MAP6: variants seen among roughly 807,000 people sequenced by gnomAD.
MAP6 encodes microtubule-associated protein 6.
In MAP6, 26 loss-of-function variants were observed where a neutral mutation model predicts 42.4. That is an observed-to-expected ratio of 0.61 (90% CI 0.45 to 0.85). The LOEUF (loss-of-function observed/expected upper bound fraction) is 0.85. MAP6 is among the 40% of genes least tolerant of loss of function. The probability of loss-of-function intolerance (pLI) is 0.00; values close to 1 mark genes in which losing one functional copy is unlikely to be tolerated. For synonymous variants in MAP6, 418 were observed against 443.8 expected (o/e 0.94, Z 0.73); for missense variants, 966 against 1,099.0 (o/e 0.88, Z 1.71).
chr11:75,600,347 T>C (rs1942645016), intron 3 of MAP6, among the ~76,000 whole-genome samples: 1 of 152,188 alleles, frequency 6.6e-6, no homozygotes, highest in African/African-American at 2.4e-5. Flanking sequence ...TGTAAATGCC[T>C]AAGTGCACTG....
intron 1 of MAP6, among the ~76,000 whole-genome samples, chr11:75,650,430 A>T (rs190022417): frequency 6.6e-6 from 1 of 152,268 alleles, no homozygotes; most frequent in Non-Finnish European, 1.5e-5. Context: ...ATCACAGCTA[A>T]ATTTAATAAT....
Position 75,646,785 on chromosome 11 carries a change from A to T in MAP6, c.905+20680T>A, listed in dbSNP as rs536381979. On this transcript the variant is annotated intron_variant, in intron 1 of 3. Coordinates refer to ENST00000304771, the MANE Select transcript of MAP6 (RefSeq NM_033063.2). ...ACTGCACTCCAGCGTGCGCAACAAG[A>T]GCAAAACTCCATCTCAAAAAAAAGA... 7.9e-5 allele frequency among the ~76,000 whole-genome samples: 12 copies of T among 152,236 alleles called. No individual in the cohort carries two copies. In the South Asian group the frequency reaches 2.5e-3, roughly 32 times the overall value.
chr11:75,617,514 C>CAAAAA (rs61477947), intron 1 of MAP6, among the ~76,000 whole-genome samples: 1 of 28,144 alleles, frequency 3.6e-5, no homozygotes, highest in Non-Finnish European at 7.8e-5. Flanking sequence ...AGACTGTCTC[C>CAAAAA]AAAAAAAAAA....
chr11:75,651,626 C>T (rs1029297142), intron 1 of MAP6, among the ~76,000 whole-genome samples: 2 of 152,166 alleles, frequency 1.3e-5, no homozygotes, highest in African/African-American at 4.8e-5. Context: ...ACTCCTGTAC[C>T]TTGCGTTCTT....
chr11:75,650,427 C>T (rs1565277934), intron 1 of MAP6, among the ~76,000 whole-genome samples: 1 of 152,150 alleles, frequency 6.6e-6, no homozygotes, highest in East Asian at 1.9e-4. Context: ...TTTATCACAG[C>T]TAAATTTAAT....
chr11:75,630,483 T>C (rs1275708195), intron 1 of MAP6, among the ~76,000 whole-genome samples: 1 of 152,216 alleles, frequency 6.6e-6, no homozygotes, highest in African/African-American at 2.4e-5. Context: ...TTACCTGATA[T>C]AATTTAATGA....
intron 1 of MAP6, among the ~76,000 whole-genome samples, chr11:75,633,814 G>A (rs1316134359): frequency 6.6e-6 from 1 of 152,236 alleles, no homozygotes. Flanking sequence ...CGAGGAGTAG[G>A]AGAAGAGATC....
intron 1 of MAP6, among the ~76,000 whole-genome samples, chr11:75,617,836 G>A (rs1590774247): frequency 6.6e-6 from 1 of 152,258 alleles, no homozygotes; most frequent in Middle Eastern, 3.4e-3. Context: ...GGGTGGTTGT[G>A]CCACAAGGCC....
chr11:75,616,746 C>T (rs1393922235), intron 1 of MAP6, among the ~76,000 whole-genome samples: 2 of 152,212 alleles, frequency 1.3e-5, no homozygotes. Context: ...TGTGTACATG[C>T]TTGTGCGCAG....
intron 3 of MAP6, among the ~76,000 whole-genome samples, chr11:75,601,617 C>T (rs148086251): frequency 4.0e-4 from 61 of 152,154 alleles, no homozygotes; most frequent in South Asian, 2.1e-3. Context: ...TGTTGCCTGA[C>T]GCATAAGCAA....
At position 75,667,316 on chromosome 11, in the gene MAP6, G is replaced by T. The variant is rs1471196304; in HGVS notation, c.905+149C>A. 7.8e-6 allele frequency: 5 copies of T among 641,762 alleles called. No individual in the cohort carries two copies. The Admixed American group carries it at 2.1e-4, about 27-fold the overall frequency. 39.8% of individuals were successfully genotyped at this position (641,762 alleles called of 1,614,324 possible). ...GCAGAAGAGAAGGCTTCGACAGGAG[G>T]TGGCCTGGGAGGCGGCTGGGGAGAG... On this transcript the variant is annotated intron_variant, in intron 1 of 3. Coordinates refer to ENST00000304771, the MANE Select transcript of MAP6 (RefSeq NM_033063.2). This position sits in a 1 kb window ranked among gnomAD's most constrained non-coding sequence, Gnocchi z 5.6.
chr11:75,591,584 A>G (rs1293401215), intron 3 of MAP6, among the ~76,000 whole-genome samples: 1 of 152,264 alleles, frequency 6.6e-6, no homozygotes, highest in Non-Finnish European at 1.5e-5. Context: ...CAGCCCACTC[A>G]GGCCACAGGC....
intron 1 of MAP6, chr11:75,642,794 G>T: frequency 2.4e-6 from 1 of 409,658 alleles, no homozygotes; most frequent in South Asian, 1.9e-5. Flanking sequence ...CTAGTCGAAT[G>T]AGACACCTAA....
intron 1 of MAP6, among the ~76,000 whole-genome samples, chr11:75,625,682 G>A (rs1051070965): frequency 2.0e-5 from 3 of 152,132 alleles, no homozygotes; most frequent in Non-Finnish European, 2.9e-5. Context: ...ATCAGTTTCT[G>A]TACAGAAAAC....
intron 1 of MAP6, among the ~76,000 whole-genome samples, chr11:75,640,533 C>T (rs1404087753): frequency 6.6e-6 from 1 of 152,056 alleles, no homozygotes; most frequent in African/African-American, 2.4e-5. Flanking sequence ...TTCCTGGGCC[C>T]AACCTTAGAA....
At chr11:75,624,365 C>T (rs977303761) in intron 1 of MAP6, among the ~76,000 whole-genome samples, 1 of 152,196 alleles carries the variant, frequency 6.6e-6, no homozygotes, top group Non-Finnish European at 1.5e-5. Context: ...GGCTGCACCA[C>T]TTCCTTAATT....
chr11:75,639,902 T>C (rs1943433829), intron 1 of MAP6, among the ~76,000 whole-genome samples: 1 of 152,178 alleles, frequency 6.6e-6, no homozygotes. Context: ...AAGCGCTAGC[T>C]TGGCTGTGCC....
intron 1 of MAP6, among the ~76,000 whole-genome samples, chr11:75,638,043 A>G (rs1372528311): frequency 1.3e-5 from 2 of 152,220 alleles, no homozygotes; most frequent in Non-Finnish European, 2.9e-5. Context: ...GATGTGCTAC[A>G]TCTACATGCT....
At position 75,667,018 on chromosome 11, in the gene MAP6, G is replaced by A. The variant is rs1475176821; in HGVS notation, c.905+447C>T. Among the ~76,000 whole-genome samples, 2 of 152,172 alleles carry A rather than the reference G, an allele frequency of 1.3e-5. No individual in the cohort carries two copies. Among genetic ancestry groups the A allele is most frequent in the Non-Finnish European group, 2.9e-5 (2 of 68,042 alleles). On this transcript the variant is annotated intron_variant, in intron 1 of 3. Coordinates refer to ENST00000304771, the MANE Select transcript of MAP6 (RefSeq NM_033063.2). This position sits in a 1 kb window ranked among gnomAD's most constrained non-coding sequence, Gnocchi z 5.6. ...AGGGAGGAAAGAATGAAGGGCCAAGGGAACTGGGCTAGGGAGGAGGGCGAG... is the reference window on the plus strand; with the variant it reads ...AGGGAGGAAAGAATGAAGGGCCAAGAGAACTGGGCTAGGGAGGAGGGCGAG...
Sources: gnomAD v4.1 joint callset for allele counts (sites outside exome capture counted in the v4.1 genomes callset) on GRCh38, gnomAD v4.1.1 for gene constraint, Gnocchi (gnomAD v3.1) non-coding constraint, MANE v1.5 for transcripts, NCBI Gene and HGNC (gene_info 2026-07-23, HGNC 2026-07-21) for gene names.